Variants in APOH observed in about 807,000 individuals in gnomAD.
APOH encodes apolipoprotein H.
APOH carries 48 observed loss-of-function variants against 39.8 expected under a neutral mutation model. The ratio of observed to expected loss-of-function variants is 1.21; its 90% CI spans 0.96 to 1.54. The LOEUF (loss-of-function observed/expected upper bound fraction) is 1.54, where lower values mean the gene tolerates loss of function less well. Ranked by LOEUF, APOH falls within the 40% of genes most tolerant of loss-of-function variation. The pLI, the probability that APOH is intolerant of heterozygous loss-of-function variation, is 0.00. For synonymous variants in APOH, 153 were observed against 151.1 expected, an observed-to-expected ratio of 1.01 and a Z score of -0.09; for missense variants, 415 against 421.2, an observed-to-expected ratio of 0.99 and a Z score of 0.13.
intron 4 of APOH, among the ~76,000 whole-genome samples, chr17:66,221,039 A>G (rs1057464101): frequency 1.3e-5 from 2 of 151,896 alleles, no homozygotes; most frequent in Non-Finnish European, 2.9e-5. Flanking sequence ...CCAAAAATAC[A>G]AAAATGAGCC....
chr17:66,228,269 G>GA, intron 1 of APOH, 73 bp from the exon 2 acceptor site: 2 of 1,504,464 alleles, frequency 1.3e-6, no homozygotes, highest in Non-Finnish European at 1.8e-6. Context: ...GCCCACAAAT[G>GA]AAAAATGTGT....
chr17:66,213,413 C>T (rs1166311293), intron 7 of APOH, among the ~76,000 whole-genome samples: 3 of 152,180 alleles, frequency 2.0e-5, no homozygotes, highest in Non-Finnish European at 4.4e-5. Context: ...TCAAACTCTA[C>T]GAATTGCTTG....
At chr17:66,221,266 A>AAGGAAGG (rs1567740089) in intron 4 of APOH, among the ~76,000 whole-genome samples, 8 of 120,468 alleles carry the variant, frequency 6.6e-5, no homozygotes, top group East Asian at 2.3e-4. Context: ...AGAGAGAAAG[A>AAGGAAGG]AAGGAAGGAA....
At chr17:66,217,035 C>T (rs2073370052) in intron 5 of APOH, 68 bp from the exon 6 acceptor site, 1 of 1,295,864 alleles carries the variant, frequency 7.7e-7, no homozygotes, top group Admixed American at 2.6e-5. Flanking sequence ...GAAATAGTTA[C>T]ATCCTTGTCT....
intron 7 of APOH, among the ~76,000 whole-genome samples, chr17:66,213,267 A>C (rs181438125): frequency 9.2e-5 from 14 of 152,326 alleles, no homozygotes; most frequent in African/African-American, 3.4e-4. Context: ...AGACATTTCA[A>C]CCCTAAATCT....
intron 1 of APOH, among the ~76,000 whole-genome samples, chr17:66,228,799 C>CA (rs543775682): frequency 0.31 from 32,416 of 104,784 alleles, 4,461 homozygotes; most frequent in East Asian, 0.77. Context: ...GACTCTGTCT[C>CA]AAAAAAAAAA....
At chr17:66,223,799 C>A in intron 3 of APOH, 25 bp from the exon 4 acceptor site, 1 of 1,602,614 alleles carries the variant, frequency 6.2e-7, no homozygotes, top group South Asian at 1.1e-5. Context: ...TTCATTCTAT[C>A]AAGGAGTAAA....
chr17:66,219,780 A>G (rs1294659768), intron 5 of APOH, among the ~76,000 whole-genome samples: 1 of 152,072 alleles, frequency 6.6e-6, no homozygotes, highest in East Asian at 1.9e-4. Context: ...TTAGCCAAGT[A>G]TGGTGACGGG....
intron 4 of APOH, among the ~76,000 whole-genome samples, chr17:66,222,378 T>C (rs1422105823): frequency 2.0e-5 from 3 of 152,188 alleles, no homozygotes; most frequent in African/African-American, 7.2e-5. Context: ...AGCAAGACCC[T>C]ACCTCTAAAT....
intron 4 of APOH, among the ~76,000 whole-genome samples, chr17:66,222,809 G>T (rs1324497378): frequency 6.6e-6 from 1 of 152,084 alleles, no homozygotes; most frequent in Admixed American, 6.6e-5. Context: ...GACCTCAGGT[G>T]AGCCACCCTC....
At chr17:66,223,230 G>A (rs984801590) in intron 4 of APOH, among the ~76,000 whole-genome samples, 7 of 152,184 alleles carry the variant, frequency 4.6e-5, no homozygotes, top group Admixed American at 4.6e-4. Flanking sequence ...GCTAACAAGA[G>A]GATCCAGCAT....
rs8178912 is a variant in APOH, at chr17:66,223,894, T to C, written c.339-120A>G. On this transcript the variant is annotated intron_variant, in intron 3 of 7. Coordinates refer to ENST00000205948, the MANE Select transcript of APOH (RefSeq NM_000042.3). ...TATTGACTTCTTTTCCATCGTATAA[T>C]GCTGTCTTCCTGACAAACTTAGTAC... The C allele has an allele frequency of 9.9e-4, 869 of 874,294 alleles. 5 individuals carry two copies. In the African/African-American group the frequency reaches 0.013, roughly 13 times the overall value. 54.2% of individuals were successfully genotyped at this position (874,294 alleles called of 1,614,324 possible).
At chr17:66,216,512 C>A (rs1260873454) in intron 6 of APOH, among the ~76,000 whole-genome samples, 1 of 150,750 alleles carries the variant, frequency 6.6e-6, no homozygotes, top group African/African-American at 2.4e-5. Context: ...TGCTCAGAGG[C>A]AAAGACTTAA....
At chr17:66,224,671 G>A (rs56226822) in intron 3 of APOH, among the ~76,000 whole-genome samples, 91 of 37,352 alleles carry the variant, frequency 2.4e-3, no homozygotes, top group African/African-American at 3.6e-3. Flanking sequence ...GGGAAGGGAA[G>A]GGAAGGGAAG....
At chr17:66,215,735 T>C (rs979622009) in intron 6 of APOH, among the ~76,000 whole-genome samples, 10 of 152,160 alleles carry the variant, frequency 6.6e-5, no homozygotes, top group Admixed American at 2.0e-4. Context: ...AAGGAACCAG[T>C]GTCTCCAGGA....
chr17:66,213,442 A>C (rs8178943), intron 7 of APOH, among the ~76,000 whole-genome samples: 3,816 of 152,306 alleles, frequency 0.025, 164 homozygotes, highest in African/African-American at 0.087. Context: ...GAAATGTTAG[A>C]TCTTTAGACC....
Position 66,228,068 on chromosome 17 carries a change from T to C in APOH, c.193A>G (p.Ile65Val). Residue 65 changes from isoleucine (I) to valine (V), a missense_variant, in exon 2 of 8, where the codon ATC becomes GTC. Ile to Val is a conservative substitution (Grantham distance 29). This residue lies in a region of APOH where 288 missense variants were observed against 284.9 expected (regional missense o/e 1.01). Transcript: ENST00000205948. ...YVSRGGMRKF[I>V]CPLTGLWPIN... ...GGCCACAGTCCTGTGAGAGGGCAGA[T>C]AAACTTTCTCATCCCTCCTCGGGAC... is the stretch of plus-strand genomic sequence containing the variant. The C allele has an allele frequency of 1.2e-6, 2 of 1,614,210 alleles. No individual in the cohort carries two copies. The highest frequency in any genetic ancestry group is 1.7e-6 in the Non-Finnish European group (2 of 1,180,038).
intron 5 of APOH, among the ~76,000 whole-genome samples, chr17:66,217,991 G>A (rs2073375701): frequency 6.6e-6 from 1 of 152,030 alleles, no homozygotes; most frequent in African/African-American, 2.4e-5. Context: ...AAAAAATGGT[G>A]GATGGAGGGA....
In APOH at chr17:66,228,158, C is replaced by A; in HGVS notation, c.103G>T (p.Val35Phe). ...KPDDLPFSTV[V>F]PLKTFYEPGE... is the part of the protein sequence containing the mutation. ...GGCTCATAGAATGTTTTTAACGGGA[C>A]CACTGTGGAAAATGGTAAATCATCT... Residue 35 changes from valine (V) to phenylalanine (F), a missense_variant, in exon 2 of 8, where the codon GTC (valine) becomes TTC (phenylalanine). Val to Phe is a conservative substitution (Grantham distance 50, BLOSUM62 -1). Transcript: ENST00000205948. 1.9e-6 allele frequency: 3 copies of A among 1,614,066 alleles called. No homozygotes were observed. The highest frequency in any genetic ancestry group is 8.5e-7 in the Non-Finnish European group (1 of 1,180,012).
Sources: allele counts gnomAD v4.1 joint callset (sites outside exome capture counted in the v4.1 genomes callset), GRCh38; gene constraint gnomAD v4.1.1; regional missense constraint gnomAD v4.1.1; transcripts MANE v1.5; gene names NCBI Gene and HGNC (gene_info 2026-07-23, HGNC 2026-07-21).